Variants in PCM1 observed in about 807,000 individuals in gnomAD.
PCM1 encodes the protein pericentriolar material 1 protein.
PCM1 carries 157 observed loss-of-function variants against 241.9 expected under a neutral mutation model. That is an observed-to-expected ratio of 0.65 (90% CI 0.57 to 0.74). The LOEUF is 0.74. Among genes scored for constraint, PCM1 ranks in the 30% least tolerant of loss-of-function variants. The pLI is 0.00. For synonymous variants in PCM1, 1,085 were observed against 784.9 expected (o/e 1.38, Z -6.39); for missense variants, 3,478 against 2,360.1 (o/e 1.47, Z -9.81).
chr8:17,953,879 A>T (rs2067005758), intron 9 of PCM1, among the ~76,000 whole-genome samples: 1 of 152,218 alleles, frequency 6.6e-6, no homozygotes, highest in Non-Finnish European at 1.5e-5. Context: ...AGTAGGGACA[A>T]CTTCCAACTA....
At chr8:18,020,254 C>T (rs944409888) in intron 36 of PCM1, among the ~76,000 whole-genome samples, 7 of 152,100 alleles carry the variant, frequency 4.6e-5, no homozygotes, top group Non-Finnish European at 2.9e-5. Context: ...ACAGTTAAAT[C>T]GAGTTGTCAG....
Position 18,014,843 on chromosome 8 carries a change from A to G in PCM1, c.5841+3A>G. The G allele has an allele frequency of 6.3e-7, 1 of 1,579,608 alleles. No individual in the cohort carries two copies. The highest frequency in any genetic ancestry group is 8.6e-7 in the Non-Finnish European group (1 of 1,165,788). ...CTCCAGTGTTAGTGAATGACTATGT[A>G]TGTATCATTTACATTTCCAAATATT... On this transcript the variant is annotated splice_donor_region_variant and intron_variant, in intron 36 of 38. Coordinates refer to ENST00000325083, the MANE Select transcript of PCM1 (RefSeq NM_006197.4).
intron 16 of PCM1, 166 bp downstream of exon 16, chr8:17,962,340 A>G (rs1365419224): frequency 5.2e-5 from 18 of 346,734 alleles, no homozygotes; most frequent in Non-Finnish European, 9.2e-5. Context: ...GTAATAGATT[A>G]TAATAATATA....
chr8:17,980,805 T>A lies in PCM1; in HGVS notation c.4108+50T>A, dbSNP rs73571797. The A allele has an allele frequency of 3.4e-3, 4,723 of 1,395,032 alleles. 131 individuals are homozygous for A. In the African/African-American group the frequency reaches 0.059, roughly 17 times the overall value. 86.4% of individuals were successfully genotyped at this position (1,395,032 alleles called of 1,614,324 possible). On this transcript the variant is annotated intron_variant, in intron 24 of 38. Transcript: ENST00000325083. ...AATATAAGGAGGTTTTCAGCTTAGA[T>A]TTGAAAAGCTATAATAAAGCAGGTG...
At chr8:18,011,173 C>CT (rs2092444668) in intron 32 of PCM1, 64 bp from the exon 33 acceptor site, 1 of 1,115,628 alleles carries the variant, frequency 9.0e-7, no homozygotes, top group Non-Finnish European at 1.2e-6. Context: ...ATACGATAGA[C>CT]TTACTATATA....
In PCM1 at chr8:17,956,784, A is replaced by G; in HGVS notation, c.1646+7A>G. ...AGCCTGTTACTAACATTCGGTAAGA[A>G]CTTTTCTGGGGATGTTTTTCCAGCA... is the stretch of plus-strand genomic sequence containing the variant. On this transcript the variant is annotated splice_region_variant and intron_variant, in intron 11 of 38. Transcript: ENST00000325083. 1.2e-6 allele frequency: 2 copies of G among 1,600,008 alleles called. No homozygotes were observed. The highest frequency in any genetic ancestry group is 1.1e-5 in the South Asian group (1 of 89,310).
At position 17,972,525 on chromosome 8, in the gene PCM1, T is replaced by C; in HGVS notation, c.3781T>C (p.Phe1261Leu). ...GTTTGATGAAGAATCACTGGAAAGC[T>C]TTAGCAGTATGCCTGATCCAGTAGA... ...RQFDEESLES[F>L]SSMPDPVDPT... Residue 1261 changes from phenylalanine to leucine, a missense_variant, in exon 23 of 39, where the codon TTT becomes CTT. Coordinates refer to ENST00000325083, the MANE Select transcript of PCM1 (RefSeq NM_006197.4). The C allele has an allele frequency of 1.9e-6, 3 of 1,613,914 alleles. No individual in the cohort carries two copies. Among genetic ancestry groups the C allele is most frequent in the Non-Finnish European group, 2.5e-6 (3 of 1,179,814 alleles).
In PCM1 at chr8:17,980,758, A is replaced by T; in HGVS notation, c.4108+3A>T. 6.3e-7 allele frequency: 1 copy of T among 1,599,260 alleles called. No homozygotes were observed. Among genetic ancestry groups the T allele is most frequent in the Middle Eastern group, 1.7e-4 (1 of 5,968 alleles). On this transcript the variant is annotated splice_donor_region_variant and intron_variant, in intron 24 of 38. Transcript: ENST00000325083. ...TAGGTCTACAGAAATATCTTCAGGT[A>T]TGTTCTTTTTTGGTTTGCATTAATA...
chr8:17,998,033 C>T (rs1460654933), intron 29 of PCM1, among the ~76,000 whole-genome samples: 1 of 141,884 alleles, frequency 7.0e-6, no homozygotes, highest in African/African-American at 2.7e-5. Flanking sequence ...AAGGCTCCGT[C>T]TGAAAAAAAA....
chr8:18,010,570 G>C, intron 31 of PCM1, 39 bp from the exon 32 acceptor site: 1 of 1,454,502 alleles, frequency 6.9e-7, no homozygotes, highest in South Asian at 1.2e-5. Flanking sequence ...ATGTATCTAA[G>C]TATGTTGCTA....
chr8:17,950,187 A>C (rs748112491), intron 7 of PCM1, among the ~76,000 whole-genome samples: 1 of 152,174 alleles, frequency 6.6e-6, no homozygotes, highest in South Asian at 2.1e-4. Context: ...TACTATTTCA[A>C]CCTTTAAGCA....
intron 36 of PCM1, among the ~76,000 whole-genome samples, chr8:18,020,447 T>C (rs559469265): frequency 8.6e-4 from 131 of 152,318 alleles, no homozygotes; most frequent in Admixed American, 2.3e-3. Context: ...ATCCTTCTCC[T>C]GTCACCTTCT....
chr8:17,943,492 G>C (rs567253277), intron 6 of PCM1, among the ~76,000 whole-genome samples: 3 of 152,234 alleles, frequency 2.0e-5, no homozygotes, highest in Non-Finnish European at 4.4e-5. Context: ...CGAAATTTAA[G>C]AGTTAACAGT....
In PCM1 at chr8:17,966,372, T is replaced by C; in HGVS notation, c.3120T>C (p.Ser1040=). 6.8e-6 allele frequency: 11 copies of C among 1,613,804 alleles called. No homozygotes were observed. Among genetic ancestry groups the C allele is most frequent in the Non-Finnish European group, 9.3e-6 (11 of 1,179,726 alleles). The part of the protein sequence containing the change: ...LLQTLLTGPY[S]VMPSNVASPQ... Reference sequence around the variant, plus strand: ...AAACTCTTCTCACGGGTCCTTACAGTGTTATGCCCAGCAATGTTGCATCTC... The same window carrying C: ...AAACTCTTCTCACGGGTCCTTACAGCGTTATGCCCAGCAATGTTGCATCTC... Residue 1040 remains serine, a synonymous_variant, in exon 20 of 39, where the codon AGT becomes AGC. Transcript: ENST00000325083.
chr8:17,951,431 C>G (rs1345605512), intron 8 of PCM1, among the ~76,000 whole-genome samples: 1 of 152,140 alleles, frequency 6.6e-6, no homozygotes, highest in African/African-American at 2.4e-5. Flanking sequence ...TTTAGAGAAA[C>G]TCTCACATGT....
intron 21 of PCM1, among the ~76,000 whole-genome samples, chr8:17,969,145 G>A (rs2076043121): frequency 6.6e-6 from 1 of 152,102 alleles, no homozygotes; most frequent in Non-Finnish European, 1.5e-5. Context: ...AAGCGTAGGA[G>A]TCATACAGAC....
intron 7 of PCM1, among the ~76,000 whole-genome samples, chr8:17,947,799 G>A (rs908498477): frequency 6.6e-6 from 1 of 152,216 alleles, no homozygotes; most frequent in Non-Finnish European, 1.5e-5. Flanking sequence ...TTCAAGGTTA[G>A]TAGTAGCTAG....
intron 6 of PCM1, among the ~76,000 whole-genome samples, chr8:17,945,407 A>AGGCT (rs1487618657): frequency 1.3e-5 from 2 of 152,174 alleles, no homozygotes; most frequent in Non-Finnish European, 2.9e-5. Flanking sequence ...AGATCCAGGT[A>AGGCT]GGCTATTTGT....
At chr8:17,952,278 AGTG>A (rs935903080) in intron 8 of PCM1, among the ~76,000 whole-genome samples, 4 of 152,018 alleles carry the variant, frequency 2.6e-5, no homozygotes, top group Non-Finnish European at 5.9e-5. Context: ...ATGAGAGAGA[AGTG>A]GTGGGAAAAA....
Sources: allele counts gnomAD v4.1 joint callset (sites outside exome capture counted in the v4.1 genomes callset), GRCh38; gene constraint gnomAD v4.1.1; transcripts MANE v1.5; gene names NCBI Gene and HGNC (gene_info 2026-07-23, HGNC 2026-07-21).